Variants in GPR176 observed in about 807,000 individuals in gnomAD.
The protein encoded by GPR176 is G-protein coupled receptor 176.
GPR176 carries 26 observed loss-of-function variants against 35.4 expected under a neutral mutation model. The ratio of observed to expected loss-of-function variants is 0.74; its 90% CI spans 0.54 to 1.02. GPR176 has a LOEUF of 1.02. Ranked by LOEUF, GPR176 falls within the 50% of genes least tolerant of loss-of-function variation. The pLI is 0.00. For missense variants in GPR176, 597 were observed against 665.3 expected, an observed-to-expected ratio of 0.90 and a Z score of 1.13; for synonymous variants, 278 against 271.3, an observed-to-expected ratio of 1.02 and a Z score of -0.24.
intron 1 of GPR176, among the ~76,000 whole-genome samples, chr15:39,842,713 A>G (rs1045891397): frequency 8.6e-5 from 13 of 152,038 alleles, no homozygotes; most frequent in South Asian, 2.1e-4. Context: ...TCAGACACTG[A>G]TCTTAGACTT....
intron 1 of GPR176, among the ~76,000 whole-genome samples, chr15:39,835,771 T>C (rs941225758): frequency 6.6e-6 from 1 of 152,192 alleles, no homozygotes; most frequent in Non-Finnish European, 1.5e-5. Flanking sequence ...AGCCTGTCTT[T>C]ATTCTGGAAA....
intron 1 of GPR176, among the ~76,000 whole-genome samples, chr15:39,851,289 A>C (rs1416104699): frequency 6.6e-6 from 1 of 152,184 alleles, no homozygotes. Context: ...CTTTGAATAA[A>C]ATCTATGAAG....
intron 1 of GPR176, among the ~76,000 whole-genome samples, chr15:39,912,792 G>C (rs1334685442): frequency 6.6e-6 from 1 of 152,110 alleles, no homozygotes; most frequent in Non-Finnish European, 1.5e-5. Flanking sequence ...GGAAAACATA[G>C]CTATGTTTCT....
Position 39,817,825 on chromosome 15 carries a change from C to T in GPR176, c.173-10567G>A, listed in dbSNP as rs145183555. On this transcript the variant is annotated intron_variant, in intron 1 of 2. Coordinates refer to ENST00000561100, the MANE Select transcript of GPR176 (RefSeq NM_007223.3). Reference sequence around the variant, plus strand: ...AAGCTCTGTGGAGCAGGGAGTATGACGGCGGGTGGGGAACCAACATTAAAC... The same window carrying T: ...AAGCTCTGTGGAGCAGGGAGTATGATGGCGGGTGGGGAACCAACATTAAAC... Among the ~76,000 whole-genome samples, 653 of 152,322 alleles carry T rather than the reference C, an allele frequency of 4.3e-3. 7 individuals are homozygous for T. Among genetic ancestry groups the T allele is most frequent in the African/African-American group, 0.015 (615 of 41,564 alleles).
At chr15:39,869,153 A>T (rs796587906) in intron 1 of GPR176, among the ~76,000 whole-genome samples, 166 of 1,922 alleles carry the variant, frequency 0.086, no homozygotes, top group Admixed American at 0.15. Flanking sequence ...ACTGCTTTTT[A>T]AAAAAAAAAA....
intron 1 of GPR176, among the ~76,000 whole-genome samples, chr15:39,843,118 T>C (rs2030149305): frequency 1.3e-5 from 2 of 151,442 alleles, no homozygotes; most frequent in South Asian, 4.2e-4. Flanking sequence ...GGAAGAGTCA[T>C]GGTGGCCAGT....
intron 1 of GPR176, among the ~76,000 whole-genome samples, chr15:39,900,756 A>G (rs2033253394): frequency 6.6e-6 from 1 of 152,212 alleles, no homozygotes; most frequent in Admixed American, 6.5e-5. Context: ...AGCCTGCAAC[A>G]TGAGGAGTGG....
intron 1 of GPR176, among the ~76,000 whole-genome samples, chr15:39,865,950 G>A (rs2031811740): frequency 6.6e-6 from 1 of 152,038 alleles, no homozygotes; most frequent in African/African-American, 2.4e-5. Flanking sequence ...AAACAAAACA[G>A]ATATCCACCA....
chr15:39,832,342 T>C (rs1208127580), intron 1 of GPR176, among the ~76,000 whole-genome samples: 1 of 152,156 alleles, frequency 6.6e-6, no homozygotes, highest in Non-Finnish European at 1.5e-5. Flanking sequence ...AGAGTTCCCA[T>C]GTGATTCAGT....
rs745626442 is a variant in GPR176 at position 39,919,944 on chromosome 15, CG to C, written c.82del (p.Arg28AlafsTer26). 2 of 1,507,424 alleles carry C rather than the reference CG, an allele frequency of 1.3e-6. No individual in the cohort carries two copies. The highest frequency in any genetic ancestry group is 1.8e-6 in the Non-Finnish European group (2 of 1,130,416). 93.4% of individuals were successfully genotyped at this position (1,507,424 alleles called of 1,614,324 possible). On this transcript the variant is annotated frameshift_variant, in exon 1 of 3. Transcript: ENST00000561100. LOFTEE classifies it high-confidence loss of function. ...CTCGCCGAACTCCCCGAGCGCGCTG[CG>C]GTTCACACCCGCAGCCTCGGCGCCG... is the stretch of plus-strand genomic sequence containing the variant. The part of the protein sequence containing the change: ...ASGAEAAGVN[R>X]SALGEFGEAQ...
At chr15:39,893,111 T>A (rs938667160) in intron 1 of GPR176, among the ~76,000 whole-genome samples, 3 of 152,040 alleles carry the variant, frequency 2.0e-5, no homozygotes, top group Non-Finnish European at 2.9e-5. Flanking sequence ...TTTTTAAATT[T>A]ATTTATTTTT....
intron 1 of GPR176, chr15:39,828,990 A>G: frequency 1.4e-6 from 1 of 691,446 alleles, no homozygotes; most frequent in Non-Finnish European, 2.6e-6. Flanking sequence ...AAGTATGCGT[A>G]TCATGTGATA....
At chr15:39,844,768 C>G (rs1380726180) in intron 1 of GPR176, among the ~76,000 whole-genome samples, 1 of 152,052 alleles carries the variant, frequency 6.6e-6, no homozygotes, top group Non-Finnish European at 1.5e-5. Context: ...CAACACTGAT[C>G]GTGAACCACT....
chr15:39,809,018 C>T (rs995311366), intron 1 of GPR176, among the ~76,000 whole-genome samples: 9 of 152,212 alleles, frequency 5.9e-5, no homozygotes, highest in African/African-American at 2.2e-4. Context: ...CAGACTCTCA[C>T]AGGGAACCAG....
intron 1 of GPR176, chr15:39,828,969 A>C (rs1900876278): frequency 1.5e-6 from 1 of 660,530 alleles, no homozygotes; most frequent in Non-Finnish European, 2.8e-6. Context: ...TTTAGTGAAT[A>C]CTTATTGTCT....
In GPR176 at chr15:39,801,647, G is replaced by A. The variant is rs755275085; in HGVS notation, c.1033C>T (p.Arg345Cys). ...LVQLHHRYSR[R>C]NVVSTGSGMA... Reference sequence around the variant, plus strand: ...CCACTCCCTGTACTGACCACATTACGGCGACTGTACCGGTGGTGTAGTTGC... The same window carrying A: ...CCACTCCCTGTACTGACCACATTACAGCGACTGTACCGGTGGTGTAGTTGC... Residue 345 changes from arginine (R) to cysteine (C), a missense_variant, in exon 3 of 3, where the codon CGT becomes TGT. Around this residue, in one of 3 missense-constraint regions of GPR176, gnomAD observed 251 missense variants for 255.4 expected, o/e 0.98. Coordinates refer to ENST00000561100, the MANE Select transcript of GPR176 (RefSeq NM_007223.3). The A allele has an allele frequency of 1.1e-5, 18 of 1,613,960 alleles. No individual in the cohort carries two copies. The highest frequency in any genetic ancestry group is 1.3e-5 in the Non-Finnish European group (15 of 1,179,896).
intron 1 of GPR176, among the ~76,000 whole-genome samples, chr15:39,890,293 T>C (rs1373844569): frequency 6.6e-6 from 1 of 152,244 alleles, no homozygotes; most frequent in Non-Finnish European, 1.5e-5. Context: ...AAAATACCTA[T>C]TCACACTAAT....
chr15:39,899,527 A>G (rs1350540182), intron 1 of GPR176, among the ~76,000 whole-genome samples: 1 of 152,228 alleles, frequency 6.6e-6, no homozygotes, highest in Non-Finnish European at 1.5e-5. Context: ...ATTACAGATA[A>G]TAAGAAAGGA....
At chr15:39,829,217 T>C in intron 1 of GPR176, 1 of 1,511,196 alleles carries the variant, frequency 6.6e-7, no homozygotes, top group South Asian at 1.2e-5. Flanking sequence ...CCCCCAACAC[T>C]GAGAACAAAG....
Sources: allele counts gnomAD v4.1 joint callset (sites outside exome capture counted in the v4.1 genomes callset), GRCh38; gene constraint gnomAD v4.1.1; regional missense constraint gnomAD v4.1.1; transcripts MANE v1.5; gene names NCBI Gene and HGNC (gene_info 2026-07-23, HGNC 2026-07-21).